Variants in PCDH15 observed in about 807,000 individuals in gnomAD.
PCDH15 encodes the protein protocadherin related 15, also known as protocadherin-15.
A neutral mutation model predicts 178.5 loss-of-function variants in PCDH15; 129 were observed. The ratio of observed to expected loss-of-function variants is 0.72; its 90% confidence interval spans 0.63 to 0.84. The LOEUF is 0.84. Among genes scored for constraint, PCDH15 ranks in the 40% least tolerant of loss-of-function variants. The pLI is 0.00. For missense variants in PCDH15, 2,230 were observed against 2,099.9 expected (o/e 1.06, Z -1.21); for synonymous variants, 800 against 732.0 (o/e 1.09, Z -1.50).
At chr10:55,419,131 CA>C (rs1220028261) in intron 2 of PCDH15, among the ~76,000 whole-genome samples, 1 of 151,528 alleles carries the variant, frequency 6.6e-6, no homozygotes, top group Non-Finnish European at 1.5e-5. Flanking sequence ...AGATGGCAGA[CA>C]ATACAGCTGT....
chr10:54,500,494 G>A (rs2080566115), intron 3 of PCDH15, among the ~76,000 whole-genome samples: 1 of 152,046 alleles, frequency 6.6e-6, no homozygotes, highest in African/African-American at 2.4e-5. Flanking sequence ...ATGATTTACT[G>A]TCACTTAGGA....
At chr10:54,417,923 G>C (rs1457004084) in intron 3 of PCDH15, among the ~76,000 whole-genome samples, 4 of 152,216 alleles carry the variant, frequency 2.6e-5, no homozygotes, top group Admixed American at 6.5e-5. Flanking sequence ...TCATTTTGTA[G>C]AGAGGGTCTT....
chr10:55,484,322 A>T (rs1840252191), intron 2 of PCDH15, among the ~76,000 whole-genome samples: 1 of 151,794 alleles, frequency 6.6e-6, no homozygotes, highest in African/African-American at 2.4e-5. Flanking sequence ...AATTTATAAA[A>T]GTTGTCTATA....
At chr10:53,822,314 A>C in intron 32 of PCDH15, 1 of 1,608,322 alleles carries the variant, frequency 6.2e-7, no homozygotes, top group Non-Finnish European at 8.5e-7. Context: ...GTGTTGGGGG[A>C]CCAGACGTTG....
intron 2 of PCDH15, among the ~76,000 whole-genome samples, chr10:55,620,487 C>T (rs1428609561): frequency 6.6e-6 from 1 of 151,748 alleles, no homozygotes; most frequent in Non-Finnish European, 1.5e-5. Flanking sequence ...TGTTTCAGAA[C>T]CTTAAAGAGA....
chr10:54,933,158 G>C (rs1426782677), intron 2 of PCDH15, among the ~76,000 whole-genome samples: 1 of 151,870 alleles, frequency 6.6e-6, no homozygotes, highest in Non-Finnish European at 1.5e-5. Flanking sequence ...CATCATCTAG[G>C]TTTGTGTAAG....
chr10:55,440,251 G>A (rs1839147540), intron 2 of PCDH15, among the ~76,000 whole-genome samples: 2 of 152,112 alleles, frequency 1.3e-5, no homozygotes, highest in Admixed American at 6.6e-5. Flanking sequence ...CAGCTGTGAG[G>A]AATACTCTTC....
At chr10:54,229,930 A>G (rs531394949) in intron 9 of PCDH15, among the ~76,000 whole-genome samples, 1 of 152,304 alleles carries the variant, frequency 6.6e-6, no homozygotes, top group Non-Finnish European at 1.5e-5. Context: ...CAAAGATGGA[A>G]AACATTTTTT....
At chr10:54,872,939 G>T (rs1257918410) in intron 3 of PCDH15, among the ~76,000 whole-genome samples, 1 of 151,812 alleles carries the variant, frequency 6.6e-6, no homozygotes, top group Non-Finnish European at 1.5e-5. Flanking sequence ...CCAAACCAAG[G>T]TCTCAAAGGA....
At chr10:53,918,443 T>G (rs2083712601) in intron 25 of PCDH15, among the ~76,000 whole-genome samples, 1 of 152,146 alleles carries the variant, frequency 6.6e-6, no homozygotes, top group Non-Finnish European at 1.5e-5. Context: ...ATTAGACACT[T>G]TTGCTCAGCT....
intron 2 of PCDH15, among the ~76,000 whole-genome samples, chr10:55,433,023 C>CA (rs902612111): frequency 1.6e-5 from 2 of 123,892 alleles, no homozygotes; most frequent in Non-Finnish European, 3.2e-5. Context: ...GACTCCGTCT[C>CA]AAAAAAACAA....
intron 2 of PCDH15, among the ~76,000 whole-genome samples, chr10:54,536,119 T>C (rs2084491413): frequency 6.6e-6 from 1 of 152,182 alleles, no homozygotes; most frequent in Non-Finnish European, 1.5e-5. Context: ...GGCCATATAA[T>C]GTTGTGGTTA....
At chr10:55,141,071 CCTT>C (rs1346890118) in intron 2 of PCDH15, among the ~76,000 whole-genome samples, 1 of 151,908 alleles carries the variant, frequency 6.6e-6, no homozygotes, top group Non-Finnish European at 1.5e-5. Context: ...TCACCCACCT[CCTT>C]GAGTCTATAA....
intron 2 of PCDH15, among the ~76,000 whole-genome samples, chr10:54,584,465 C>T (rs1181482802): frequency 1.3e-5 from 2 of 151,822 alleles, no homozygotes; most frequent in Admixed American, 1.3e-4. Context: ...TTTTTTTTCT[C>T]AAAGTTGAGA....
At chr10:55,583,304 G>A (rs1433088085) in intron 2 of PCDH15, among the ~76,000 whole-genome samples, 4 of 152,172 alleles carry the variant, frequency 2.6e-5, no homozygotes, top group South Asian at 4.1e-4. Context: ...TTATGCAAGT[G>A]TAAAGTGTTT....
chr10:54,168,890 A>G (rs1309377148), intron 13 of PCDH15, among the ~76,000 whole-genome samples: 4 of 151,956 alleles, frequency 2.6e-5, no homozygotes, highest in African/African-American at 9.7e-5. Flanking sequence ...AAGGTGTACA[A>G]TAATAGAAAA....
At chr10:54,046,149 C>T (rs543021416) in intron 18 of PCDH15, among the ~76,000 whole-genome samples, 3 of 152,202 alleles carry the variant, frequency 2.0e-5, no homozygotes, top group South Asian at 2.1e-4. Flanking sequence ...TCACTGAAAC[C>T]GTAACAAGGT....
chr10:54,216,928 G>A (rs2052140430), intron 9 of PCDH15, among the ~76,000 whole-genome samples: 1 of 151,968 alleles, frequency 6.6e-6, no homozygotes, highest in Non-Finnish European at 1.5e-5. Flanking sequence ...GATATCTTTA[G>A]CTATTACTAT....
intron 3 of PCDH15, among the ~76,000 whole-genome samples, chr10:54,865,661 C>G (rs916660824): frequency 5.9e-5 from 9 of 151,988 alleles, no homozygotes; most frequent in Admixed American, 1.3e-4. Context: ...CGGTGCAGAG[C>G]CAAACCATAT....
Sources: allele counts gnomAD v4.1 joint callset (sites outside exome capture counted in the v4.1 genomes callset), GRCh38; gene constraint gnomAD v4.1.1; transcripts MANE v1.5; gene names NCBI Gene and HGNC (gene_info 2026-07-23, HGNC 2026-07-21).